CDKAL1: variants seen among roughly 807,000 people sequenced by gnomAD.
CDKAL1 encodes the protein threonylcarbamoyladenosine tRNA methylthiotransferase.
Under a neutral mutation model 68.2 loss-of-function variants are expected in CDKAL1, and 32 were observed. That is an observed-to-expected ratio of 0.47 (90% CI 0.35 to 0.63). The LOEUF is 0.63. Among genes scored for constraint, CDKAL1 ranks in the 30% least tolerant of loss-of-function variants. The pLI is 0.00. For missense variants in CDKAL1, 606 were observed against 696.7 expected (o/e 0.87, Z 1.47); for synonymous variants, 234 against 244.3 (o/e 0.96, Z 0.39).
chr6:21,223,985 G>A (rs1779633649), intron 15 of CDKAL1, among the ~76,000 whole-genome samples: 1 of 152,190 alleles, frequency 6.6e-6, no homozygotes, highest in South Asian at 2.1e-4. Context: ...CTCTTTCCTT[G>A]TAAACGTGTA....
intron 13 of CDKAL1, among the ~76,000 whole-genome samples, chr6:21,158,488 G>C (rs1776750850): frequency 6.6e-6 from 1 of 152,210 alleles, no homozygotes. Context: ...GGGACTCAAA[G>C]GGTCATGATG....
chr6:20,562,627 A>G (rs1023378576), intron 4 of CDKAL1, among the ~76,000 whole-genome samples: 1 of 152,078 alleles, frequency 6.6e-6, no homozygotes, highest in African/African-American at 2.4e-5. Flanking sequence ...CTGTAATCCC[A>G]GCTACTCGGG....
chr6:21,224,657 G>T (rs1326875853), intron 15 of CDKAL1, among the ~76,000 whole-genome samples: 2 of 152,180 alleles, frequency 1.3e-5, no homozygotes, highest in African/African-American at 4.8e-5. Context: ...CTTCCCTGGA[G>T]CCTCCAGAAG....
chr6:20,731,036 A>G (rs1003229117), intron 5 of CDKAL1, among the ~76,000 whole-genome samples: 9 of 152,126 alleles, frequency 5.9e-5, no homozygotes, highest in East Asian at 3.9e-4. Flanking sequence ...CCATGGCTTA[A>G]TGTCAAGTGC....
chr6:20,907,181 A>C (rs1419791668), intron 9 of CDKAL1, among the ~76,000 whole-genome samples: 2 of 152,214 alleles, frequency 1.3e-5, no homozygotes, highest in African/African-American at 4.8e-5. Flanking sequence ...AATATGAATC[A>C]TTCAATATGT....
intron 9 of CDKAL1, among the ~76,000 whole-genome samples, chr6:20,918,873 G>T (rs962526471): frequency 6.6e-6 from 1 of 152,188 alleles, no homozygotes. Context: ...AAGAATGCCT[G>T]CATTTAGTGT....
At chr6:20,564,921 T>G (rs1246467879) in intron 4 of CDKAL1, among the ~76,000 whole-genome samples, 1 of 152,186 alleles carries the variant, frequency 6.6e-6, no homozygotes, top group Non-Finnish European at 1.5e-5. Flanking sequence ...GTCCAGGTCC[T>G]GCGAAGAGCT....
intron 15 of CDKAL1, among the ~76,000 whole-genome samples, chr6:21,211,420 A>G (rs1475718851): frequency 6.6e-6 from 1 of 152,230 alleles, no homozygotes; most frequent in Non-Finnish European, 1.5e-5. Context: ...CAGGGCTAAC[A>G]TAACAGAGGT....
intron 10 of CDKAL1, among the ~76,000 whole-genome samples, chr6:20,988,359 C>A (rs1561940212): frequency 6.6e-6 from 1 of 152,052 alleles, no homozygotes; most frequent in African/African-American, 2.4e-5. Flanking sequence ...TCTGGAAATA[C>A]CCTCACAGAC....
rs1779970365 is a variant in CDKAL1, at chr6:21,231,409, C to T, written c.*370C>T. On this transcript the variant is annotated 3_prime_UTR_variant, in exon 16 of 16. Coordinates refer to ENST00000274695, the MANE Select transcript of CDKAL1 (RefSeq NM_017774.3). Reference sequence around the variant, plus strand: ...TTCCTCATGTGGAAGAATTTTCTATCTTTAATAAACTTTTTCTTTGTTTTT... The same window carrying T: ...TTCCTCATGTGGAAGAATTTTCTATTTTTAATAAACTTTTTCTTTGTTTTT... 6.2e-6 allele frequency: 1 copy of T among 162,488 alleles called. No individual in the cohort carries two copies. The highest frequency in any genetic ancestry group is 6.4e-5 in the Admixed American group (1 of 15,592). The allele number at this position is 162,488 out of a possible 1,614,324, so 10.1% of individuals were successfully genotyped here. A position where few individuals can be genotyped will look rare whatever the true frequency, so the allele number is the denominator to read the frequency against.
intron 2 of CDKAL1, 117 bp downstream of exon 2, chr6:20,535,511 A>G (rs1006028209): frequency 1.3e-5 from 2 of 152,256 alleles, no homozygotes; most frequent in Admixed American, 1.3e-4. Context: ...TTATGGAAAC[A>G]TTGTGCTTTA....
At chr6:20,565,710 C>T (rs1463887647) in intron 4 of CDKAL1, among the ~76,000 whole-genome samples, 1 of 151,966 alleles carries the variant, frequency 6.6e-6, no homozygotes, top group East Asian at 1.9e-4. Context: ...TATTTTCTTC[C>T]AGTATTTGAC....
At chr6:21,073,138 A>C (rs1403418341) in intron 12 of CDKAL1, among the ~76,000 whole-genome samples, 1 of 152,110 alleles carries the variant, frequency 6.6e-6, no homozygotes, top group Non-Finnish European at 1.5e-5. Context: ...ATTCCTTTGA[A>C]TCTTTTCACG....
intron 4 of CDKAL1, among the ~76,000 whole-genome samples, chr6:20,585,869 T>A (rs1765334277): frequency 6.6e-6 from 1 of 152,176 alleles, no homozygotes; most frequent in Non-Finnish European, 1.5e-5. Flanking sequence ...TGCTTTTTTT[T>A]TTGGAACCCT....
chr6:21,128,848 G>C (rs1775145870), intron 13 of CDKAL1, among the ~76,000 whole-genome samples: 1 of 152,226 alleles, frequency 6.6e-6, no homozygotes, highest in Non-Finnish European at 1.5e-5. Flanking sequence ...CAATCTTTCT[G>C]TTAAGGGGTG....
intron 11 of CDKAL1, among the ~76,000 whole-genome samples, chr6:21,010,830 C>A (rs1767970123): frequency 6.6e-6 from 1 of 152,034 alleles, no homozygotes. Context: ...ACGCCTGTAA[C>A]CCCAGCACTT....
chr6:20,793,543 A>C (rs1187454156), intron 8 of CDKAL1, among the ~76,000 whole-genome samples: 1 of 152,136 alleles, frequency 6.6e-6, no homozygotes, highest in Non-Finnish European at 1.5e-5. Context: ...ACTTGCACTT[A>C]AATATTTTGC....
intron 9 of CDKAL1, among the ~76,000 whole-genome samples, chr6:20,894,391 C>CTTTTTTTT (rs5874793): frequency 4.8e-5 from 6 of 124,062 alleles, no homozygotes; most frequent in South Asian, 2.7e-4. Flanking sequence ...ACCCCACATA[C>CTTTTTTTT]TTTTTTTTTT....
At chr6:21,146,934 T>C (rs544268156) in intron 13 of CDKAL1, among the ~76,000 whole-genome samples, 22 of 152,248 alleles carry the variant, frequency 1.4e-4, no homozygotes, top group African/African-American at 5.3e-4. Flanking sequence ...AAATAAAGCT[T>C]CTGTTTTCCC....
Sources: allele counts gnomAD v4.1 joint callset (sites outside exome capture counted in the v4.1 genomes callset), GRCh38; gene constraint gnomAD v4.1.1; transcripts MANE v1.5; gene names NCBI Gene and HGNC (gene_info 2026-07-23, HGNC 2026-07-21).